Variants in CTNNA3 observed in about 807,000 individuals in gnomAD.
CTNNA3 encodes catenin alpha 3.
A neutral mutation model predicts 95.7 loss-of-function variants in CTNNA3; 76 were observed. The ratio of observed to expected loss-of-function variants is 0.79; its 90% confidence interval spans 0.66 to 0.96. CTNNA3 has a LOEUF of 0.96. Ranked by LOEUF, CTNNA3 falls within the 40% of genes least tolerant of loss-of-function variation. CTNNA3 has a pLI of 0.00. For synonymous variants in CTNNA3, 431 were observed against 374.4 expected, an observed-to-expected ratio of 1.15 and a Z score of -1.74; for missense variants, 1,191 against 1,089.8, an observed-to-expected ratio of 1.09 and a Z score of -1.31.
intron 7 of CTNNA3, among the ~76,000 whole-genome samples, chr10:67,084,259 T>A (rs1433341065): frequency 6.6e-6 from 1 of 152,030 alleles, no homozygotes; most frequent in African/African-American, 2.4e-5. Flanking sequence ...GGCAAAAATC[T>A]ACACCTGGAG....
Position 66,263,396 on chromosome 10 carries a change from C to A in CTNNA3, c.1884+17074G>T, listed in dbSNP as rs546745354. Among the ~76,000 whole-genome samples, 5 of 152,116 alleles carry A rather than the reference C, an allele frequency of 3.3e-5. No individual in the cohort carries two copies. In the East Asian group the frequency reaches 9.7e-4, roughly 29 times the overall value. ...TTTGAGACACACTAAGAGTCATTAACAACTAGAAGTTCTTATCATAACACT... is the reference window on the plus strand; with the variant it reads ...TTTGAGACACACTAAGAGTCATTAAAAACTAGAAGTTCTTATCATAACACT... On this transcript the variant is annotated intron_variant, in intron 13 of 17. Transcript: ENST00000433211.
intron 1 of CTNNA3, among the ~76,000 whole-genome samples, chr10:67,683,541 C>G (rs977818372): frequency 2.0e-5 from 3 of 152,206 alleles, no homozygotes; most frequent in Non-Finnish European, 4.4e-5. Flanking sequence ...TGATGCCACC[C>G]CTAGAGGCCT....
intron 7 of CTNNA3, among the ~76,000 whole-genome samples, chr10:67,088,065 G>A (rs1363658795): frequency 6.6e-6 from 1 of 151,876 alleles, no homozygotes. Flanking sequence ...ATAATTTAAA[G>A]AGAAAGAAAG....
chr10:66,452,718 T>C (rs2093472345), intron 11 of CTNNA3, among the ~76,000 whole-genome samples: 1 of 152,136 alleles, frequency 6.6e-6, no homozygotes, highest in South Asian at 2.1e-4. Context: ...TTAAGGTTGA[T>C]TTTTGAGGTA....
At chr10:67,384,021 A>T (rs1844049658) in intron 5 of CTNNA3, among the ~76,000 whole-genome samples, 1 of 152,174 alleles carries the variant, frequency 6.6e-6, no homozygotes. Context: ...ACACCATTAG[A>T]TTGTATAGCA....
At chr10:66,751,634 T>C (rs1217674417) in intron 9 of CTNNA3, among the ~76,000 whole-genome samples, 1 of 152,190 alleles carries the variant, frequency 6.6e-6, no homozygotes, top group African/African-American at 2.4e-5. Flanking sequence ...AAATCAGTAT[T>C]TGTTTCACTC....
chr10:66,057,734 G>A (rs1469161886), intron 15 of CTNNA3, among the ~76,000 whole-genome samples: 1 of 151,968 alleles, frequency 6.6e-6, no homozygotes, highest in Non-Finnish European at 1.5e-5. Context: ...CATCATTCTG[G>A]AGCACAGCAA....
intron 3 of CTNNA3, among the ~76,000 whole-genome samples, chr10:67,545,901 C>A (rs1461037546): frequency 2.6e-5 from 4 of 152,084 alleles, no homozygotes; most frequent in Admixed American, 6.6e-5. Context: ...TTTAGTCAAA[C>A]TTTAATTATG....
intron 5 of CTNNA3, among the ~76,000 whole-genome samples, chr10:67,419,724 A>C (rs1277565006): frequency 6.6e-6 from 1 of 152,240 alleles, no homozygotes; most frequent in South Asian, 2.1e-4. Context: ...CATACATGCC[A>C]ATCTAGATAC....
At chr10:66,948,020 G>A (rs564619744) in intron 7 of CTNNA3, among the ~76,000 whole-genome samples, 21 of 152,200 alleles carry the variant, frequency 1.4e-4, no homozygotes, top group Non-Finnish European at 2.4e-4. Context: ...GAATGCTGTA[G>A]GCATTTGTAA....
At chr10:66,388,505 G>T (rs2092910879) in intron 11 of CTNNA3, among the ~76,000 whole-genome samples, 1 of 152,046 alleles carries the variant, frequency 6.6e-6, no homozygotes, top group African/African-American at 2.4e-5. Context: ...AATATAGCAA[G>T]AATTTTTCTG....
chr10:66,264,741 G>A (rs1389478286), intron 13 of CTNNA3, among the ~76,000 whole-genome samples: 1 of 151,850 alleles, frequency 6.6e-6, no homozygotes, highest in Non-Finnish European at 1.5e-5. Flanking sequence ...GTTGCCTGGA[G>A]AAATACAACA....
At chr10:66,977,967 T>G (rs556465747) in intron 7 of CTNNA3, among the ~76,000 whole-genome samples, 100 of 152,252 alleles carry the variant, frequency 6.6e-4, no homozygotes, top group African/African-American at 2.3e-3. Flanking sequence ...TAGTCAAACT[T>G]TTATTCCTAA....
intron 7 of CTNNA3, among the ~76,000 whole-genome samples, chr10:66,907,710 A>G (rs1251280449): frequency 2.6e-5 from 4 of 152,152 alleles, no homozygotes; most frequent in African/African-American, 9.7e-5. Context: ...CATCAATATC[A>G]AGTAGTTGGG....
At chr10:66,721,864 T>C (rs1265402325) in intron 9 of CTNNA3, among the ~76,000 whole-genome samples, 1 of 152,180 alleles carries the variant, frequency 6.6e-6, no homozygotes, top group African/African-American at 2.4e-5. Flanking sequence ...CATGCTGTCA[T>C]ACCCATTTTA....
At chr10:67,402,894 C>T (rs1480962960) in intron 5 of CTNNA3, among the ~76,000 whole-genome samples, 1 of 152,206 alleles carries the variant, frequency 6.6e-6, no homozygotes, top group Non-Finnish European at 1.5e-5. Context: ...GAGGTCCATA[C>T]ATACCCCTAG....
chr10:66,589,368 A>C (rs1168367181), intron 10 of CTNNA3, among the ~76,000 whole-genome samples: 1 of 152,134 alleles, frequency 6.6e-6, no homozygotes, highest in African/African-American at 2.4e-5. Context: ...ATATATATCC[A>C]TGCCCAATAA....
In CTNNA3 at chr10:67,684,290, C is replaced by T. The variant is rs142893303; in HGVS notation, c.-6+11710G>A. Among the ~76,000 whole-genome samples the T allele has an allele frequency of 3.7e-3, 565 of 152,298 alleles. 6 individuals are homozygous for T. The highest frequency in any genetic ancestry group is 0.013 in the African/African-American group (537 of 41,558). On this transcript the variant is annotated intron_variant, in intron 1 of 17. Coordinates refer to ENST00000433211, the MANE Select transcript of CTNNA3 (RefSeq NM_013266.4). ...GCATTTACAAACCTTTAGCTAGACA[C>T]AGAGTGCTGATTGGTGCATTTTTGC...
At chr10:66,267,230 T>C (rs2091179716) in intron 13 of CTNNA3, among the ~76,000 whole-genome samples, 1 of 152,068 alleles carries the variant, frequency 6.6e-6, no homozygotes, top group Admixed American at 6.6e-5. Flanking sequence ...ATTTTAACTC[T>C]GCTTATGTTT....
Sources: allele counts gnomAD v4.1 joint callset (sites outside exome capture counted in the v4.1 genomes callset), GRCh38; gene constraint gnomAD v4.1.1; transcripts MANE v1.5; gene names NCBI Gene and HGNC (gene_info 2026-07-23, HGNC 2026-07-21).